Variants in UQCR10 observed in about 807,000 individuals in gnomAD.
UQCR10 encodes the protein cytochrome b-c1 complex subunit 9.
In UQCR10, 5 loss-of-function variants were observed where a neutral mutation model predicts 6.0. The ratio of observed to expected loss-of-function variants is 0.83; its 90% CI spans 0.43 to 1.74. The LOEUF (loss-of-function observed/expected upper bound fraction) is 1.74, where lower values mean the gene tolerates loss of function less well. Ranked by LOEUF, UQCR10 falls within the 40% of genes most tolerant of loss-of-function variation. The pLI is 0.02. For synonymous variants in UQCR10, 40 were observed against 37.4 expected (o/e 1.07, Z -0.26); for missense variants, 101 against 85.1 (o/e 1.19, Z -0.74).
In UQCR10 at chr22:29,768,561, C is replaced by G. The variant is rs186630137; in HGVS notation, c.150+1013C>G. On this transcript the variant is annotated intron_variant, in intron 1 of 1. Coordinates refer to ENST00000330029, the MANE Select transcript of UQCR10 (RefSeq NM_013387.4). ...TTGCAAGTGGTTCTGTTAACCACTC[C>G]CATTGATCTGGAGAGACATCCAAGT... Among the ~76,000 whole-genome samples the G allele has an allele frequency of 4.9e-3, 749 of 152,300 alleles. 10 individuals carry two copies. Among genetic ancestry groups the G allele is most frequent in the African/African-American group, 0.017 (720 of 41,560 alleles).
chr22:29,769,346 AC>A (rs1370525155), intron 1 of UQCR10, among the ~76,000 whole-genome samples: 1 of 152,168 alleles, frequency 6.6e-6, no homozygotes, highest in Non-Finnish European at 1.5e-5. Context: ...TACTAAAAAT[AC>A]AAAAATTAGC....
Position 29,767,451 on chromosome 22 carries a change from C to T in UQCR10, c.53C>T (p.Thr18Ile), listed in dbSNP as rs199846630. ...SKLYSLLFRR[T>I]STFALTIIVG... Reference sequence around the variant, plus strand: ...TTGTACTCCCTGCTGTTCCGCAGGACCTCCACCTTCGCCCTCACCATCATC... The same window carrying T: ...TTGTACTCCCTGCTGTTCCGCAGGATCTCCACCTTCGCCCTCACCATCATC... Residue 18 changes from threonine (T) to isoleucine (I), a missense_variant, in exon 1 of 2, where the codon ACC becomes ATC. Thr to Ile is a moderately conservative substitution (Grantham distance 89). Coordinates refer to ENST00000330029, the MANE Select transcript of UQCR10 (RefSeq NM_013387.4). 3.1e-6 allele frequency: 5 copies of T among 1,614,026 alleles called. No individual in the cohort carries two copies. The highest frequency in any genetic ancestry group is 4.2e-6 in the Non-Finnish European group (5 of 1,179,886).
Position 29,770,036 on chromosome 22 carries a change from C to T in UQCR10, c.*317C>T, listed in dbSNP as rs1401449407. The T allele has an allele frequency of 2.0e-6, 1 of 499,468 alleles. No individual in the cohort carries two copies. The highest frequency in any genetic ancestry group is 1.9e-5 in the African/African-American group (1 of 51,672). 30.9% of individuals were successfully genotyped at this position (499,468 alleles called of 1,614,324 possible). On this transcript the variant is annotated 3_prime_UTR_variant, in exon 2 of 2. Transcript: ENST00000330029. ...ACTTCAAAGCCCTCTGCAAACACCC[C>T]AAAGGCAGAATCTGCTATTTTGAGT...
rs778504097 is a variant in UQCR10, at chr22:29,767,467, C to T, written c.69C>T (p.Leu23=). The change falls in exon 1 of 2, where the codon CTC becomes CTT. Residue 23 remains leucine, a synonymous_variant. Coordinates refer to ENST00000330029, the MANE Select transcript of UQCR10 (RefSeq NM_013387.4). ...LLFRRTSTFA[L]TIIVGVMFFE... is the part of the protein sequence containing the mutation. ...TCCGCAGGACCTCCACCTTCGCCCTCACCATCATCGTGGGCGTCATGTTCT... is the reference window on the plus strand; with the variant it reads ...TCCGCAGGACCTCCACCTTCGCCCTTACCATCATCGTGGGCGTCATGTTCT... The T allele has an allele frequency of 5.6e-6, 9 of 1,613,922 alleles. No homozygotes were observed. Among genetic ancestry groups the T allele is most frequent in the South Asian group, 1.1e-5 (1 of 91,090 alleles).
intron 1 of UQCR10, 152 bp downstream of exon 1, chr22:29,767,700 C>G (rs1966897842): frequency 8.4e-7 from 1 of 1,195,538 alleles, no homozygotes; most frequent in South Asian, 1.7e-5. Flanking sequence ...GTCCCCTTGG[C>G]TTGATGTGAA....
intron 1 of UQCR10, among the ~76,000 whole-genome samples, chr22:29,768,893 C>T (rs745799533): frequency 2.0e-5 from 3 of 152,166 alleles, no homozygotes; most frequent in Non-Finnish European, 4.4e-5. Context: ...TTCTAAAGTA[C>T]TGGGATTACA....
chr22:29,769,977 C>G lies in UQCR10; in HGVS notation c.*258C>G, dbSNP rs1337070673. ...TTCTACATTGGTTGCTTTGTTAACTCTACCTGATCTTCACTTGTCAGTAAT... is the reference window on the plus strand; with the variant it reads ...TTCTACATTGGTTGCTTTGTTAACTGTACCTGATCTTCACTTGTCAGTAAT... On this transcript the variant is annotated 3_prime_UTR_variant, in exon 2 of 2. Coordinates refer to ENST00000330029, the MANE Select transcript of UQCR10 (RefSeq NM_013387.4). 1 of 637,234 alleles carries G rather than the reference C, an allele frequency of 1.6e-6. No homozygotes were observed. Among genetic ancestry groups the G allele is most frequent in the Non-Finnish European group, 2.9e-6 (1 of 342,622 alleles). 39.5% of individuals were successfully genotyped at this position (637,234 alleles called of 1,614,324 possible). A position where few individuals can be genotyped will look rare whatever the true frequency, so the allele number is the denominator to read the frequency against.
chr22:29,767,385 G>A lies in UQCR10; in HGVS notation c.-14G>A, dbSNP rs1163580794. On this transcript the variant is annotated 5_prime_UTR_variant, in exon 1 of 2. Coordinates refer to ENST00000330029, the MANE Select transcript of UQCR10 (RefSeq NM_013387.4). ...AGCGCAGGCGCGGTGGCGCGAGTTG[G>A]ACTGTGAAGAAACATGGCGGCCGCG... The A allele has an allele frequency of 6.2e-7, 1 of 1,611,082 alleles. No individual in the cohort carries two copies. The highest frequency in any genetic ancestry group is 1.3e-5 in the African/African-American group (1 of 74,884).
chr22:29,767,441 TTCCGCAGGACC>T lies in UQCR10; in HGVS notation c.47_57del (p.Arg16HisfsTer42). On this transcript the variant is annotated frameshift_variant, in exon 1 of 2. Transcript: ENST00000330029. LOFTEE classifies it high-confidence loss of function. ...GACTTCGAAATTGTACTCCCTGCTGTTCCGCAGGACCTCCACCTTCGCCCTCACCATCATCG... is the reference window on the plus strand; with the variant it reads ...GACTTCGAAATTGTACTCCCTGCTGTTCCACCTTCGCCCTCACCATCATCG... The T allele has an allele frequency of 6.2e-7, 1 of 1,613,982 alleles. No individual in the cohort carries two copies. The highest frequency in any genetic ancestry group is 8.5e-7 in the Non-Finnish European group (1 of 1,179,864).
At chr22:29,769,633 G>C in intron 1 of UQCR10, 45 bp from the exon 2 acceptor site, 1 of 1,486,540 alleles carries the variant, frequency 6.7e-7, no homozygotes, top group Non-Finnish European at 9.2e-7. Context: ...TGTAAAATGT[G>C]AGAGGCAAAG....
rs752820298 is a variant in UQCR10 at position 29,769,837 on chromosome 22, G to A, written c.*118G>A. 4.0e-5 allele frequency: 48 copies of A among 1,210,068 alleles called. No individual in the cohort carries two copies. In the African/African-American group the frequency reaches 5.8e-4, roughly 15 times the overall value. 75.0% of individuals were successfully genotyped at this position (1,210,068 alleles called of 1,614,324 possible). On this transcript the variant is annotated 3_prime_UTR_variant, in exon 2 of 2. Coordinates refer to ENST00000330029, the MANE Select transcript of UQCR10 (RefSeq NM_013387.4). ...AGGTACTCTTCATGGACCACCATTC[G>A]CTGTTGGCAAGAAACGGCTTTACTT...
chr22:29,767,683 G>A (rs1569344104), intron 1 of UQCR10, 135 bp downstream of exon 1: 4 of 1,308,430 alleles, frequency 3.1e-6, no homozygotes, highest in East Asian at 2.6e-5. Flanking sequence ...TCTCGAGTCC[G>A]CCGTCTGTCC....
intron 1 of UQCR10, among the ~76,000 whole-genome samples, chr22:29,768,205 G>C (rs1333614264): frequency 6.6e-6 from 1 of 152,178 alleles, no homozygotes; most frequent in East Asian, 1.9e-4. Flanking sequence ...TGCAGGCAGG[G>C]TGCCACATGC....
rs775761012 is a variant in UQCR10 at position 29,767,429 on chromosome 22, T to C, written c.31T>C (p.Tyr11His). Residue 11 changes from tyrosine to histidine, a missense_variant, in exon 1 of 2, where the codon TAC becomes CAC. Coordinates refer to ENST00000330029, the MANE Select transcript of UQCR10 (RefSeq NM_013387.4). ...GGCCGCGACGTTGACTTCGAAATTG[T>C]ACTCCCTGCTGTTCCGCAGGACCTC... is the stretch of plus-strand genomic sequence containing the variant. MAAATLTSKL[Y>H]SLLFRRTSTF... is the part of the protein sequence containing the mutation. 6.2e-6 allele frequency: 10 copies of C among 1,613,556 alleles called. No individual in the cohort carries two copies. Among genetic ancestry groups the C allele is most frequent in the Non-Finnish European group, 6.8e-6 (8 of 1,179,648 alleles).
chr22:29,767,866 A>G (rs2068234788), intron 1 of UQCR10, among the ~76,000 whole-genome samples: 1 of 152,188 alleles, frequency 6.6e-6, no homozygotes, highest in South Asian at 2.1e-4. Flanking sequence ...AGCCAGGGGC[A>G]AGTCAGGGCC....
chr22:29,767,498 C>G lies in UQCR10; in HGVS notation c.100C>G (p.Arg34Gly), dbSNP rs770339072. The change falls in exon 1 of 2, where the codon CGC (arginine) becomes GGC (glycine). Residue 34 changes from arginine (R) to glycine (G), a missense_variant. Coordinates refer to ENST00000330029, the MANE Select transcript of UQCR10 (RefSeq NM_013387.4). The part of the protein sequence containing the change: ...TIIVGVMFFE[R>G]AFDQGADAIY... The stretch of plus-strand genomic sequence containing the variant: ...CATCGTGGGCGTCATGTTCTTCGAG[C>G]GCGCCTTCGATCAAGGCGCGGACGC... 6.2e-7 allele frequency: 1 copy of G among 1,613,980 alleles called. No individual in the cohort carries two copies. The highest frequency in any genetic ancestry group is 8.5e-7 in the Non-Finnish European group (1 of 1,179,876).
chr22:29,770,088 G>T lies in UQCR10; in HGVS notation c.*369G>T. 2 of 385,568 alleles carry T rather than the reference G, an allele frequency of 5.2e-6. No homozygotes were observed. The highest frequency in any genetic ancestry group is 4.1e-5 in the South Asian group (2 of 48,744). 23.9% of individuals were successfully genotyped at this position (385,568 alleles called of 1,614,324 possible). On this transcript the variant is annotated 3_prime_UTR_variant, in exon 2 of 2. Transcript: ENST00000330029. The stretch of plus-strand genomic sequence containing the variant: ...TTCCATTAACTTCCAAAGAATTCTG[G>T]TTTTCAAAACAGGAGCCAGAGTTGG...
Position 29,768,839 on chromosome 22 carries a change from C to T in UQCR10, c.151-839C>T, listed in dbSNP as rs552417714. ...ATGGGGTTTCACCATGTTGCCCAGGCTGGTCTTGAATTCCTGAGCTCAGGC... is the reference window on the plus strand; with the variant it reads ...ATGGGGTTTCACCATGTTGCCCAGGTTGGTCTTGAATTCCTGAGCTCAGGC... On this transcript the variant is annotated intron_variant, in intron 1 of 1. Transcript: ENST00000330029. 2.6e-5 allele frequency among the ~76,000 whole-genome samples: 4 copies of T among 152,250 alleles called. No homozygotes were observed. In the South Asian group the frequency reaches 8.3e-4, roughly 32 times the overall value.
intron 1 of UQCR10, among the ~76,000 whole-genome samples, chr22:29,768,205 G>A (rs1333614264): frequency 2.0e-5 from 3 of 152,178 alleles, no homozygotes; most frequent in African/African-American, 2.4e-5. Flanking sequence ...TGCAGGCAGG[G>A]TGCCACATGC....
Sources: allele counts gnomAD v4.1 joint callset (sites outside exome capture counted in the v4.1 genomes callset), GRCh38; gene constraint gnomAD v4.1.1; transcripts MANE v1.5; gene names NCBI Gene and HGNC (gene_info 2026-07-23, HGNC 2026-07-21).